IL13RA1: variants seen among roughly 807,000 people sequenced by gnomAD.
IL13RA1 encodes the protein interleukin 13 receptor subunit alpha 1.
IL13RA1 carries 14 observed loss-of-function variants against 33.8 expected under a neutral mutation model. The ratio of observed to expected loss-of-function variants is 0.41; its 90% CI spans 0.27 to 0.65. The LOEUF is 0.65. Ranked by LOEUF, IL13RA1 falls within the 30% of genes least tolerant of loss-of-function variation. The pLI, the probability that IL13RA1 is intolerant of heterozygous loss-of-function variation, is 0.28. For synonymous variants in IL13RA1, 116 were observed against 115.7 expected (o/e 1.00, Z -0.02); for missense variants, 313 against 327.0 (o/e 0.96, Z 0.33).
chrX:118,795,918 CAA>C (rs1210981913), downstream of IL13RA1, among the ~76,000 whole-genome samples: 3 of 112,327 alleles, frequency 2.7e-5, no homozygotes, highest in African/African-American at 9.7e-5. Flanking sequence ...TTGAGTCAAA[CAA>C]AGTCTTTTTT....
intron 8 of IL13RA1, among the ~76,000 whole-genome samples, chrX:118,771,631 G>T (rs770654470): frequency 3.3e-4 from 37 of 112,319 alleles, no homozygotes; most frequent in African/African-American, 1.1e-3. Context: ...CTGGCACTCT[G>T]CCTTAAATAT....
chrX:118,732,527 A>G (rs1168101331), intron 1 of IL13RA1, among the ~76,000 whole-genome samples: 1 of 110,187 alleles, frequency 9.1e-6, no homozygotes, highest in Non-Finnish European at 1.9e-5. Context: ...TACATTAGGT[A>G]TATCTCCTAA....
At chrX:118,756,988 A>C (rs1428402061) in intron 4 of IL13RA1, among the ~76,000 whole-genome samples, 1 of 111,208 alleles carries the variant, frequency 9.0e-6, no homozygotes, top group Non-Finnish European at 1.9e-5. Context: ...AGGGAGTCAG[A>C]AAGAGGGAAG....
At chrX:118,766,499 ATTAGT>A (rs770002074) in intron 6 of IL13RA1, 26 bp from the exon 7 acceptor site, 3 of 753,336 alleles carry the variant, frequency 4.0e-6, no homozygotes, top group African/African-American at 2.1e-5. Context: ...TTTAGGACTC[ATTAGT>A]TTATTTATTT....
chrX:118,780,956 A>G (rs1003626783), intron 10 of IL13RA1, among the ~76,000 whole-genome samples: 11 of 112,319 alleles, frequency 9.8e-5, no homozygotes, highest in African/African-American at 3.6e-4. Context: ...TGTTCTTATA[A>G]AAACTTATTT....
At chrX:118,804,105 C>T in the IL13RA1 span, among the ~76,000 whole-genome samples, 1 of 107,496 alleles carries the variant, frequency 9.3e-6, no homozygotes, top group African/African-American at 3.4e-5. Context: ...TACAGGCGCC[C>T]GCCACCACGC....
chrX:118,734,685 A>G (rs1270922989), intron 1 of IL13RA1, among the ~76,000 whole-genome samples: 1 of 112,049 alleles, frequency 8.9e-6, no homozygotes, highest in Non-Finnish European at 1.9e-5. Flanking sequence ...CATGGTCTAT[A>G]ATCCTTTTGA....
intron 2 of IL13RA1, among the ~76,000 whole-genome samples, chrX:118,744,703 G>T (rs763719975): frequency 3.6e-5 from 4 of 111,689 alleles, no homozygotes; most frequent in Admixed American, 1.9e-4. Flanking sequence ...GACCCACCAC[G>T]CCTGGCCACT....
At chrX:118,783,047 G>T (rs1316670162) in intron 10 of IL13RA1, among the ~76,000 whole-genome samples, 1 of 111,985 alleles carries the variant, frequency 8.9e-6, no homozygotes, top group Non-Finnish European at 1.9e-5. Context: ...CAGTGTTTTT[G>T]CATGGGGCTA....
At chrX:118,776,997 G>A (rs1391329473) in intron 10 of IL13RA1, among the ~76,000 whole-genome samples, 12 of 97,333 alleles carry the variant, frequency 1.2e-4, no homozygotes, top group African/African-American at 4.2e-4. Flanking sequence ...ATGTGTGTGT[G>A]TATATATATA....
At chrX:118,765,701 T>C (rs1407723986) in intron 6 of IL13RA1, among the ~76,000 whole-genome samples, 1 of 112,343 alleles carries the variant, frequency 8.9e-6, no homozygotes, top group Non-Finnish European at 1.9e-5. Flanking sequence ...AGGTTACATA[T>C]GATTGTCTCT....
intron 10 of IL13RA1, among the ~76,000 whole-genome samples, chrX:118,784,698 G>A: frequency 1.8e-5 from 2 of 111,654 alleles, no homozygotes; most frequent in Non-Finnish European, 3.8e-5. Flanking sequence ...GTATTCATGG[G>A]ACCGGCATTT....
Position 118,792,008 on chromosome X carries a change from C to T in IL13RA1, c.*154C>T, listed in dbSNP as rs899959262. On this transcript the variant is annotated 3_prime_UTR_variant, in exon 11 of 11. Coordinates refer to ENST00000371666, the MANE Select transcript of IL13RA1 (RefSeq NM_001560.3). ...AGCCACAGGTCTTTATGTTGAGTCG[C>T]GCACCGAAAAACTAAAAATAATGGG... 6.2e-5 allele frequency: 20 copies of T among 324,630 alleles called. No homozygotes were observed. The highest frequency in any genetic ancestry group is 4.3e-4 in the South Asian group (5 of 11,547). The allele number at this position is 324,630 out of a possible 1,213,427, so 26.8% of individuals were successfully genotyped here. A position where few individuals can be genotyped will look rare whatever the true frequency, so the allele number is the denominator to read the frequency against.
At chrX:118,755,307 C>T (rs752395204) in intron 4 of IL13RA1, among the ~76,000 whole-genome samples, 1 of 110,947 alleles carries the variant, frequency 9.0e-6, no homozygotes, top group South Asian at 3.8e-4. Flanking sequence ...TGACTTGTGT[C>T]CCTGTAGGGA....
intron 1 of IL13RA1, among the ~76,000 whole-genome samples, chrX:118,729,112 G>A (rs1163368620): frequency 9.0e-6 from 1 of 111,090 alleles, no homozygotes; most frequent in Non-Finnish European, 1.9e-5. Context: ...CCTGATTTCC[G>A]TAATCATATG....
At chrX:118,742,111 A>G (rs1392822604) in intron 2 of IL13RA1, among the ~76,000 whole-genome samples, 1 of 111,900 alleles carries the variant, frequency 8.9e-6, no homozygotes. Flanking sequence ...TATATATACA[A>G]AAGTTTAATA....
chrX:118,754,497 C>T (rs1390388594), intron 4 of IL13RA1, among the ~76,000 whole-genome samples: 3 of 109,525 alleles, frequency 2.7e-5, no homozygotes, highest in Non-Finnish European at 3.8e-5. Context: ...AATAGCCAGG[C>T]GTGGTGGCGG....
chrX:118,799,641 C>G, the IL13RA1 span, among the ~76,000 whole-genome samples: 1 of 105,571 alleles, frequency 9.5e-6, no homozygotes, highest in African/African-American at 3.5e-5. Flanking sequence ...GTGCACCAAT[C>G]GACACTCTGT....
At position 118,773,912 on chromosome X, in the gene IL13RA1, T is replaced by C. The variant is rs1341096132; in HGVS notation, c.1043T>C (p.Met348Thr). 2.8e-6 allele frequency: 3 copies of C among 1,078,965 alleles called. No individual in the cohort carries two copies. The highest frequency in any genetic ancestry group is 2.2e-5 in the Admixed American group (1 of 45,632). The allele number at this position is 1,078,965 out of a possible 1,213,427, so 88.9% of individuals were successfully genotyped here. Residue 348 changes from methionine (M) to threonine (T), a missense_variant, in exon 9 of 11, where the codon ATG (methionine) becomes ACG (threonine). Met to Thr is a moderately conservative substitution (Grantham distance 81, BLOSUM62 -1). Coordinates refer to ENST00000371666, the MANE Select transcript of IL13RA1 (RefSeq NM_001560.3). Reference sequence around the variant, plus strand: ...CGCAATTCCACACTCTACATAACCATGTTACTCATTGTTCCAGTCATCGTC... The same window carrying C: ...CGCAATTCCACACTCTACATAACCACGTTACTCATTGTTCCAGTCATCGTC... Reference protein sequence around the residue: ...KKRNSTLYITMLLIVPVIVAG... With the variant: ...KKRNSTLYITTLLIVPVIVAG...
Sources: gnomAD v4.1 joint callset for allele counts (sites outside exome capture counted in the v4.1 genomes callset) on GRCh38, gnomAD v4.1.1 for gene constraint, MANE v1.5 for transcripts, NCBI Gene and HGNC (gene_info 2026-07-23, HGNC 2026-07-21) for gene names.